The following NNT variants were observed in gnomAD, a reference collection of about 807,000 sequenced individuals.
NNT encodes the protein nicotinamide nucleotide transhydrogenase, also known as NAD(P) transhydrogenase, mitochondrial.
In NNT, 50 loss-of-function variants were observed where a neutral mutation model predicts 104.8. The ratio of observed to expected loss-of-function variants is 0.48; its 90% CI spans 0.38 to 0.60. The LOEUF is 0.60. Ranked by LOEUF, NNT falls within the 20% of genes least tolerant of loss-of-function variation. NNT has a pLI of 0.00. For missense variants in NNT, 1,131 were observed against 1,330.7 expected (o/e 0.85, Z 2.33); for synonymous variants, 461 against 490.4 (o/e 0.94, Z 0.79).
chr5:43,616,864 A>G (rs1579979753), intron 4 of NNT, among the ~76,000 whole-genome samples: 1 of 152,288 alleles, frequency 6.6e-6, no homozygotes, highest in East Asian at 1.9e-4. Flanking sequence ...CTAAGAAACT[A>G]ATTAAATTAG....
chr5:43,621,077 G>A lies in NNT; in HGVS notation c.687+1958G>A, dbSNP rs114326423. ...TGAAGGCACTGGTATAGCTCATTAAGGTGGATTGCATAATACTGTCTTTTA... is the reference window on the plus strand; with the variant it reads ...TGAAGGCACTGGTATAGCTCATTAAAGTGGATTGCATAATACTGTCTTTTA... On this transcript the variant is annotated intron_variant, in intron 5 of 21. Transcript: ENST00000344920. Among the ~76,000 whole-genome samples the A allele has an allele frequency of 4.8e-3, 728 of 152,318 alleles. 6 individuals are homozygous for A. The highest frequency in any genetic ancestry group is 0.016 in the African/African-American group (652 of 41,576).
At chr5:43,623,927 A>C in intron 5 of NNT, 105 bp from the exon 6 acceptor site, 3 of 1,044,550 alleles carry the variant, frequency 2.9e-6, no homozygotes, top group Non-Finnish European at 3.0e-6. Flanking sequence ...CTGCACCGCC[A>C]TTTATTGATG....
intron 2 of NNT, among the ~76,000 whole-genome samples, chr5:43,611,031 A>AT (rs1749472835): frequency 6.6e-6 from 1 of 151,680 alleles, no homozygotes; most frequent in African/African-American, 2.4e-5. Context: ...CAGTATTCAT[A>AT]TTTTTTCAAT....
At chr5:43,646,825 A>T (rs991339903) in intron 10 of NNT, among the ~76,000 whole-genome samples, 2 of 152,184 alleles carry the variant, frequency 1.3e-5, no homozygotes, top group African/African-American at 4.8e-5. Context: ...AACAAATTCA[A>T]CATTTTCATT....
At chr5:43,619,962 G>T (rs1280963137) in intron 5 of NNT, among the ~76,000 whole-genome samples, 5 of 152,054 alleles carry the variant, frequency 3.3e-5, no homozygotes, top group African/African-American at 1.2e-4. Flanking sequence ...GAGGGAGCCA[G>T]GCTCTTCTAT....
In NNT at chr5:43,612,983, C is replaced by T; in HGVS notation, c.227C>T (p.Pro76Leu). Residue 76 changes from proline (P) to leucine (L), a missense_variant, in exon 3 of 22, where the codon CCT (proline) becomes CTT (leucine). Pro to Leu is a moderately conservative substitution (Grantham distance 98). Coordinates refer to ENST00000344920, the MANE Select transcript of NNT (RefSeq NM_182977.3). Reference sequence around the variant, plus strand: ...AATGAGAAGCGAGTGGCATTGTCTCCTGCTGGTGTTCAGAACTTGGTCAAG... The same window carrying T: ...AATGAGAAGCGAGTGGCATTGTCTCTTGCTGGTGTTCAGAACTTGGTCAAG... ...FQNEKRVALS[P>L]AGVQNLVKQG... The T allele has an allele frequency of 6.2e-7, 1 of 1,614,114 alleles. No homozygotes were observed. Among genetic ancestry groups the T allele is most frequent in the Non-Finnish European group, 8.5e-7 (1 of 1,180,030 alleles).
At chr5:43,665,237 ATTATTT>A (rs1740576544) in intron 17 of NNT, among the ~76,000 whole-genome samples, 1 of 147,580 alleles carries the variant, frequency 6.8e-6, no homozygotes, top group South Asian at 2.1e-4. Context: ...TATTATTATT[ATTATTT>A]TTTAGTATTT....
At position 43,707,157 on chromosome 5, in the gene NNT, G is replaced by A. The variant is rs928257794; in HGVS notation, c.*2753G>A. On this transcript the variant is annotated 3_prime_UTR_variant, in exon 22 of 22. Transcript: ENST00000344920. ...GAAAACAGAAGCTATTTATAAAGAA[G>A]TTATTTGCTGAAATAAATGTGATCT... 1 of 151,108 alleles carries A rather than the reference G, an allele frequency of 6.6e-6. No homozygotes were observed. The highest frequency in any genetic ancestry group is 1.5e-5 in the Non-Finnish European group (1 of 67,778). 9.4% of individuals were successfully genotyped at this position (151,108 alleles called of 1,614,324 possible). A position where few individuals can be genotyped will look rare whatever the true frequency, so the allele number is the denominator to read the frequency against.
At chr5:43,692,440 C>A (rs1742337997) in intron 19 of NNT, among the ~76,000 whole-genome samples, 1 of 152,196 alleles carries the variant, frequency 6.6e-6, no homozygotes, top group Non-Finnish European at 1.5e-5. Context: ...TATCTTGTCT[C>A]AGCTTCCCAA....
At chr5:43,631,178 G>C (rs1266745738) in intron 7 of NNT, among the ~76,000 whole-genome samples, 1 of 152,184 alleles carries the variant, frequency 6.6e-6, no homozygotes, top group Non-Finnish European at 1.5e-5. Flanking sequence ...GTCTGATATG[G>C]GGGTTTCGGC....
chr5:43,628,449 C>G, intron 7 of NNT, 62 bp downstream of exon 7: 1 of 1,257,174 alleles, frequency 8.0e-7, no homozygotes, highest in African/African-American at 1.5e-5. Flanking sequence ...TAAAAAAAAG[C>G]GAGAGTGAAT....
chr5:43,696,142 G>A (rs916422176), intron 19 of NNT, among the ~76,000 whole-genome samples: 1 of 152,062 alleles, frequency 6.6e-6, no homozygotes, highest in Non-Finnish European at 1.5e-5. Flanking sequence ...GACAAGGCAA[G>A]TCCCTTCTGC....
intron 17 of NNT, among the ~76,000 whole-genome samples, chr5:43,661,973 T>C (rs1442332086): frequency 6.6e-6 from 1 of 152,162 alleles, no homozygotes; most frequent in Non-Finnish European, 1.5e-5. Flanking sequence ...TCTAGATCCC[T>C]GAGGAATCAG....
chr5:43,610,434 A>G (rs905605045), intron 2 of NNT, among the ~76,000 whole-genome samples: 6 of 152,048 alleles, frequency 3.9e-5, no homozygotes, highest in South Asian at 2.1e-4. Flanking sequence ...GGAGACTTGG[A>G]CATTTTGTCT....
chr5:43,682,252 CT>C (rs749220268), intron 19 of NNT, among the ~76,000 whole-genome samples: 5 of 143,212 alleles, frequency 3.5e-5, no homozygotes, highest in Non-Finnish European at 7.5e-5. Context: ...GCTCTGTCAC[CT>C]AGCTTGGAGT....
chr5:43,609,900 G>A (rs916428413), intron 2 of NNT, among the ~76,000 whole-genome samples: 15 of 152,240 alleles, frequency 9.9e-5, no homozygotes, highest in Admixed American at 7.9e-4. Context: ...CCAAGCCATC[G>A]TCATCTGTCA....
Position 43,704,341 on chromosome 5 carries a change from A to G in NNT, c.3198A>G (p.Leu1066=). Residue 1066 remains leucine (L), a synonymous_variant, in exon 22 of 22, where the codon CTA becomes CTG. Transcript: ENST00000344920. ...ACAAACCTAACACGGCCATGCTTCTAGGTGATGCCAAGAAAACATGTGACG... is the reference window on the plus strand; with the variant it reads ...ACAAACCTAACACGGCCATGCTTCTGGGTGATGCCAAGAAAACATGTGACG... The part of the protein sequence containing the change: ...IFYKPNTAML[L]GDAKKTCDAL... The G allele has an allele frequency of 6.2e-7, 1 of 1,613,682 alleles. No individual in the cohort carries two copies. The highest frequency in any genetic ancestry group is 1.7e-5 in the Admixed American group (1 of 59,992).
Position 43,700,142 on chromosome 5 carries a change from G to A in NNT, c.2900G>A (p.Gly967Asp). 2.5e-6 allele frequency: 4 copies of A among 1,612,544 alleles called. No homozygotes were observed. Among genetic ancestry groups the A allele is most frequent in the Non-Finnish European group, 2.5e-6 (3 of 1,179,220 alleles). ...KVRFGIHPVAGRMPGQLNVLL... is the reference protein window; with the variant it reads ...KVRFGIHPVADRMPGQLNVLL... Reference sequence around the variant, plus strand: ...AGGTTTGGAATTCACCCAGTTGCAGGCCGAATGCCTGGTCAGCTTAATGTG... The same window carrying A: ...AGGTTTGGAATTCACCCAGTTGCAGACCGAATGCCTGGTCAGCTTAATGTG... Residue 967 changes from glycine (G) to aspartate (D), a missense_variant, in exon 20 of 22, where the codon GGC (glycine) becomes GAC (aspartate). Transcript: ENST00000344920.
At chr5:43,635,351 T>C (rs921614901) in intron 7 of NNT, among the ~76,000 whole-genome samples, 3 of 152,138 alleles carry the variant, frequency 2.0e-5, no homozygotes, top group Non-Finnish European at 2.9e-5. Context: ...GGACTGTCTC[T>C]ATTTAAGCCA....
Sources: gnomAD v4.1 joint callset for allele counts (sites outside exome capture counted in the v4.1 genomes callset) on GRCh38, gnomAD v4.1.1 for gene constraint, MANE v1.5 for transcripts, NCBI Gene and HGNC (gene_info 2026-07-23, HGNC 2026-07-21) for gene names.